Variants in TEKT3 observed in about 807,000 individuals in gnomAD.
TEKT3 encodes tektin-3.
Under a neutral mutation model 49.8 loss-of-function variants are expected in TEKT3, and 49 were observed. That is an observed-to-expected ratio of 0.98 (90% CI 0.78 to 1.25). TEKT3 has a LOEUF of 1.25. TEKT3 is among the 50% of genes most tolerant of loss of function. The probability of loss-of-function intolerance (pLI) is 0.00; values close to 1 mark genes in which losing one functional copy is unlikely to be tolerated. For synonymous variants in TEKT3, 225 were observed against 237.2 expected (o/e 0.95, Z 0.47); for missense variants, 595 against 629.5 (o/e 0.95, Z 0.59).
chr17:15,341,996 C>T (rs1757682097), upstream of TEKT3, among the ~76,000 whole-genome samples: 1 of 152,192 alleles, frequency 6.6e-6, no homozygotes, highest in South Asian at 2.1e-4. Flanking sequence ...GACAAGCCCC[C>T]ACCTTTCCTG....
chr17:15,321,832 T>C (rs1281308041), intron 4 of TEKT3, among the ~76,000 whole-genome samples: 1 of 152,208 alleles, frequency 6.6e-6, no homozygotes, highest in Non-Finnish European at 1.5e-5. Flanking sequence ...GTCCAGTTGC[T>C]TGAAGAACCT....
At chr17:15,323,458 G>C (rs1911352237) in intron 4 of TEKT3, among the ~76,000 whole-genome samples, 1 of 152,006 alleles carries the variant, frequency 6.6e-6, no homozygotes, top group South Asian at 2.1e-4. Context: ...AGTCAGTACG[G>C]TCTGGGAGTG....
chr17:15,319,190 A>C, intron 4 of TEKT3, 43 bp from the exon 5 acceptor site: 1 of 1,485,466 alleles, frequency 6.7e-7, no homozygotes, highest in Non-Finnish European at 9.2e-7. Context: ...TTCATTATTG[A>C]ATATAACACT....
chr17:15,315,639 A>C (rs1471668750), intron 5 of TEKT3, among the ~76,000 whole-genome samples: 1 of 152,072 alleles, frequency 6.6e-6, no homozygotes, highest in African/African-American at 2.4e-5. Flanking sequence ...GAATTCCATC[A>C]ACTAAGATAG....
rs768413496 is a variant in TEKT3 at position 15,304,050 on chromosome 17, G to A, written c.1359C>T (p.Ala453=). ...DTLQSLVHIK[A]TLEYDLAVKA... ...TGACAGCCAGGTCATACTCGAGTGT[G>A]GCTTTGATGTGGACCAGCGACTGCA... The change falls in exon 9 of 9, where the codon GCC becomes GCT. Residue 453 remains alanine, a synonymous_variant. Coordinates refer to ENST00000395930, the MANE Select transcript of TEKT3 (RefSeq NM_031898.3). The surrounding 1 kb of genome is among the most constrained non-coding windows in gnomAD (Gnocchi z 4.7). 3.1e-6 allele frequency: 5 copies of A among 1,614,054 alleles called. No individual in the cohort carries two copies. Among genetic ancestry groups the A allele is most frequent in the Non-Finnish European group, 4.2e-6 (5 of 1,180,030 alleles).
At position 15,330,888 on chromosome 17, in the gene TEKT3, G is replaced by A. The variant is rs1597417415; in HGVS notation, c.579+119C>T. The A allele has an allele frequency of 3.1e-5, 32 of 1,041,704 alleles. No homozygotes were observed. The East Asian group carries it at 8.4e-4, about 27-fold the overall frequency. The allele number at this position is 1,041,704 out of a possible 1,614,324, so 64.5% of individuals were successfully genotyped here. A position where few individuals can be genotyped will look rare whatever the true frequency, so the allele number is the denominator to read the frequency against. ...TGCTGAAAACAGTCACAGATTTATT[G>A]ATAGGGGGTTGGCTTCAACAGATGA... is the stretch of plus-strand genomic sequence containing the variant. On this transcript the variant is annotated intron_variant, in intron 3 of 8. Coordinates refer to ENST00000395930, the MANE Select transcript of TEKT3 (RefSeq NM_031898.3).
chr17:15,335,294 T>C (rs1475752871), intron 2 of TEKT3, among the ~76,000 whole-genome samples: 1 of 152,196 alleles, frequency 6.6e-6, no homozygotes, highest in East Asian at 1.9e-4. Flanking sequence ...GAGTCTTTGC[T>C]GAGAATAGGC....
chr17:15,313,331 T>C (rs1477975581), intron 6 of TEKT3, among the ~76,000 whole-genome samples: 1 of 152,138 alleles, frequency 6.6e-6, no homozygotes, highest in Non-Finnish European at 1.5e-5. Context: ...TTTAAGAAAG[T>C]GGCTGGAAGA....
chr17:15,311,295 C>T (rs941899604), intron 7 of TEKT3: 6 of 152,084 alleles, frequency 3.9e-5, no homozygotes, highest in African/African-American at 1.2e-4. Context: ...GTAAAACCAT[C>T]GTAGGCAACA....
At chr17:15,337,819 C>T (rs865955661) in intron 2 of TEKT3, among the ~76,000 whole-genome samples, 7 of 151,720 alleles carry the variant, frequency 4.6e-5, no homozygotes, top group East Asian at 1.9e-4. Flanking sequence ...CCAGCCTGGG[C>T]GACAGAGTGA....
intron 3 of TEKT3, 46 bp downstream of exon 3, chr17:15,330,961 G>T: frequency 1.3e-6 from 2 of 1,492,658 alleles, no homozygotes; most frequent in Non-Finnish European, 9.0e-7. Context: ...CTCAACCAGT[G>T]GGTTATAATC....
chr17:15,333,219 A>G (rs1911844521), intron 2 of TEKT3, among the ~76,000 whole-genome samples: 1 of 152,200 alleles, frequency 6.6e-6, no homozygotes, highest in Non-Finnish European at 1.5e-5. Context: ...ATGTCTATGG[A>G]CTTTTTTACT....
chr17:15,341,816 C>T (rs1912244955), upstream of TEKT3, among the ~76,000 whole-genome samples: 1 of 152,198 alleles, frequency 6.6e-6, no homozygotes, highest in South Asian at 2.1e-4. Context: ...TCCGGGAGAC[C>T]TCCTTGGTTT....
chr17:15,318,151 G>A (rs934635419), intron 5 of TEKT3, among the ~76,000 whole-genome samples: 2 of 151,798 alleles, frequency 1.3e-5, no homozygotes, highest in African/African-American at 4.8e-5. Flanking sequence ...CACCATGCCC[G>A]GCTAATTTTT....
chr17:15,316,957 C>T (rs1281466231), intron 5 of TEKT3, among the ~76,000 whole-genome samples: 1 of 152,112 alleles, frequency 6.6e-6, no homozygotes, highest in Non-Finnish European at 1.5e-5. Flanking sequence ...ATGGGAAGAC[C>T]TTGGCTGCCC....
In TEKT3 at chr17:15,303,969, G is replaced by C. The variant is rs1910424483; in HGVS notation, c.1440C>G (p.Tyr480Ter). ...QEKCMSMRKS[Y>*]PNTLRLVGFC is the part of the protein sequence containing the mutation. ...AGCCGACCAGCCGGAGGGTGTTGGGGTAGCTCTTGCGCATGCTCATGCATT... is the reference window on the plus strand; with the variant it reads ...AGCCGACCAGCCGGAGGGTGTTGGGCTAGCTCTTGCGCATGCTCATGCATT... Residue 480 changes from tyrosine to a stop codon, truncating the protein, a stop_gained, in exon 9 of 9, where the codon TAC becomes TAG. Transcript: ENST00000395930. LOFTEE classifies it high-confidence loss of function. 1.2e-6 allele frequency: 2 copies of C among 1,614,098 alleles called. No individual in the cohort carries two copies. Among genetic ancestry groups the C allele is most frequent in the Non-Finnish European group, 1.7e-6 (2 of 1,180,036 alleles).
chr17:15,319,226 A>G, intron 4 of TEKT3, 79 bp from the exon 5 acceptor site: 1 of 1,221,762 alleles, frequency 8.2e-7, no homozygotes, highest in Non-Finnish European at 1.1e-6. Context: ...AACAAACATC[A>G]ATGAAGGAAA....
At chr17:15,335,812 A>G (rs1911955054) in intron 2 of TEKT3, among the ~76,000 whole-genome samples, 1 of 152,212 alleles carries the variant, frequency 6.6e-6, no homozygotes, top group Non-Finnish European at 1.5e-5. Flanking sequence ...GAGAAGAACC[A>G]AATAAACTTC....
In TEKT3 at chr17:15,331,507, T is replaced by C; in HGVS notation, c.79A>G (p.Ser27Gly). The C allele has an allele frequency of 1.9e-6, 3 of 1,614,084 alleles. No individual in the cohort carries two copies. Among genetic ancestry groups the C allele is most frequent in the Non-Finnish European group, 2.5e-6 (3 of 1,179,998 alleles). Residue 27 changes from serine to glycine, a missense_variant, in exon 3 of 9, where the codon AGT becomes GGT. Transcript: ENST00000395930. ...PTPTNFLPAI[S>G]TMASSYRDRF... ...TCCCTGTAGCTTGAGGCCATGGTAC[T>C]GATGGCTGGTAGAAAGTTGGTTGGT...
Sources: allele counts gnomAD v4.1 joint callset (sites outside exome capture counted in the v4.1 genomes callset), GRCh38; gene constraint gnomAD v4.1.1; non-coding constraint Gnocchi (gnomAD v3.1); transcripts MANE v1.5; gene names NCBI Gene and HGNC (gene_info 2026-07-23, HGNC 2026-07-21).